The following CCDC91 variants were observed in gnomAD, a reference collection of about 807,000 sequenced individuals.
CCDC91 encodes coiled-coil domain-containing protein 91.
A neutral mutation model predicts 63.2 loss-of-function variants in CCDC91; 48 were observed. The ratio of observed to expected loss-of-function variants is 0.76; its 90% CI spans 0.60 to 0.97. The LOEUF (loss-of-function observed/expected upper bound fraction) is 0.97. Among genes scored for constraint, CCDC91 ranks in the 50% least tolerant of loss-of-function variants. The pLI is 0.00. For synonymous variants in CCDC91, 167 were observed against 165.8 expected (o/e 1.01, Z -0.06); for missense variants, 500 against 494.6 (o/e 1.01, Z -0.10).
chr12:28,514,727 C>G (rs1393805605), intron 12 of CCDC91, among the ~76,000 whole-genome samples: 1 of 151,882 alleles, frequency 6.6e-6, no homozygotes, highest in Non-Finnish European at 1.5e-5. Flanking sequence ...TATCCTAGCA[C>G]CATTTATCAA....
intron 7 of CCDC91, among the ~76,000 whole-genome samples, chr12:28,368,594 A>G (rs1262033487): frequency 1.3e-5 from 2 of 152,170 alleles, no homozygotes; most frequent in African/African-American, 4.8e-5. Flanking sequence ...GTCGCTTTTA[A>G]TTCTGTCAGT....
intron 1 of CCDC91, among the ~76,000 whole-genome samples, chr12:28,241,207 T>C (rs1945313065): frequency 6.6e-6 from 1 of 152,206 alleles, no homozygotes; most frequent in Non-Finnish European, 1.5e-5. Flanking sequence ...TTGGTGAATG[T>C]CTCTATCTTT....
chr12:28,341,386 G>T (rs925662987), intron 6 of CCDC91, among the ~76,000 whole-genome samples: 1 of 151,986 alleles, frequency 6.6e-6, no homozygotes, highest in Non-Finnish European at 1.5e-5. Context: ...AGCACTTTCC[G>T]GCCCCCCTCC....
chr12:28,367,636 G>A (rs1444885893), intron 7 of CCDC91, among the ~76,000 whole-genome samples: 1 of 152,126 alleles, frequency 6.6e-6, no homozygotes, highest in Non-Finnish European at 1.5e-5. Context: ...TATTTCAGAA[G>A]CCAAATGAAC....
chr12:28,466,498 T>G (rs1473446128), intron 11 of CCDC91, among the ~76,000 whole-genome samples: 1 of 152,044 alleles, frequency 6.6e-6, no homozygotes, highest in South Asian at 2.1e-4. Flanking sequence ...ATAATGGAGC[T>G]CCAATATGTC....
intron 6 of CCDC91, among the ~76,000 whole-genome samples, chr12:28,349,603 A>G (rs184455156): frequency 5.9e-5 from 9 of 152,258 alleles, no homozygotes; most frequent in African/African-American, 1.7e-4. Flanking sequence ...AAAATTATTT[A>G]GCTGGTCTTT....
chr12:28,217,543 A>T (rs1943643389), intron 1 of CCDC91, among the ~76,000 whole-genome samples: 1 of 152,172 alleles, frequency 6.6e-6, no homozygotes, highest in South Asian at 2.1e-4. Context: ...TCTGTGCCAC[A>T]AAGGGACAGA....
chr12:28,296,500 G>T (rs1204269249), intron 3 of CCDC91, among the ~76,000 whole-genome samples: 1 of 151,740 alleles, frequency 6.6e-6, no homozygotes, highest in Non-Finnish European at 1.5e-5. Flanking sequence ...TTAAGGAAGT[G>T]ATCATTTTTA....
intron 12 of CCDC91, among the ~76,000 whole-genome samples, chr12:28,528,068 C>T (rs1941424098): frequency 6.6e-6 from 1 of 152,192 alleles, no homozygotes; most frequent in African/African-American, 2.4e-5. Flanking sequence ...CTCCCCCCAC[C>T]TGTGGAGTCT....
chr12:28,540,523 A>T (rs1942552013), intron 12 of CCDC91, among the ~76,000 whole-genome samples: 1 of 152,166 alleles, frequency 6.6e-6, no homozygotes, highest in Non-Finnish European at 1.5e-5. Context: ...TTCTTATCTG[A>T]GAAGGCAGCG....
At chr12:28,200,491 C>G (rs566489239) in intron 1 of CCDC91, among the ~76,000 whole-genome samples, 210 of 115,842 alleles carry the variant, frequency 1.8e-3, no homozygotes, top group African/African-American at 5.0e-3. Context: ...TGACTCTTAA[C>G]GAGCATGCTG....
At chr12:28,359,789 C>CTTTTTTTTTTTTTTTTTTTTT (rs1565853581) in intron 6 of CCDC91, among the ~76,000 whole-genome samples, 1 of 150,404 alleles carries the variant, frequency 6.6e-6, no homozygotes, top group African/African-American at 2.5e-5. Flanking sequence ...TTTCTATTTA[C>CTTTTTTTTTTTTTTTTTTTTT]TTTTAAAATC....
intron 11 of CCDC91, among the ~76,000 whole-genome samples, chr12:28,476,606 A>G (rs1301459394): frequency 6.6e-6 from 1 of 152,198 alleles, no homozygotes; most frequent in East Asian, 1.9e-4. Context: ...AGAAGGCAAG[A>G]AATAACTAAG....
At chr12:28,211,686 C>G (rs1158848489) in intron 1 of CCDC91, among the ~76,000 whole-genome samples, 1 of 151,676 alleles carries the variant, frequency 6.6e-6, no homozygotes, top group East Asian at 1.9e-4. Context: ...ACTCAGTTTT[C>G]TAGAAATTAA....
At chr12:28,264,575 A>ATGTGTGTCTG (rs574967825) in intron 3 of CCDC91, among the ~76,000 whole-genome samples, 1 of 65,670 alleles carries the variant, frequency 1.5e-5, no homozygotes, top group Non-Finnish European at 3.5e-5. Flanking sequence ...ACATATATAT[A>ATGTGTGTCTG]TATGTCTGTC....
At chr12:28,415,664 TTGTGTGTG>T (rs61077919) in intron 8 of CCDC91, among the ~76,000 whole-genome samples, 1 of 148,402 alleles carries the variant, frequency 6.7e-6, no homozygotes, top group Admixed American at 6.7e-5. Flanking sequence ...AGATATATAT[TTGTGTGTG>T]TGTGTGTGTG....
chr12:28,462,714 CTG>C (rs1239450396), intron 11 of CCDC91, among the ~76,000 whole-genome samples: 2 of 152,060 alleles, frequency 1.3e-5, no homozygotes, highest in Non-Finnish European at 2.9e-5. Flanking sequence ...TAAATATAGT[CTG>C]TGGTTTCAAA....
At chr12:28,251,546 GT>G (rs1157317107) in intron 1 of CCDC91, among the ~76,000 whole-genome samples, 1 of 151,872 alleles carries the variant, frequency 6.6e-6, no homozygotes, top group Non-Finnish European at 1.5e-5. Flanking sequence ...ATGCCATGTT[GT>G]TTTTTTGTGC....
chr12:28,470,958 G>T (rs1950785744), intron 11 of CCDC91, among the ~76,000 whole-genome samples: 2 of 152,000 alleles, frequency 1.3e-5, no homozygotes, highest in African/African-American at 4.8e-5. Flanking sequence ...AAAGTCGAAA[G>T]AAATGAAAAA....
Sources: allele counts gnomAD v4.1 joint callset (sites outside exome capture counted in the v4.1 genomes callset), GRCh38; gene constraint gnomAD v4.1.1; transcripts MANE v1.5; gene names NCBI Gene and HGNC (gene_info 2026-07-23, HGNC 2026-07-21).